Variants in PPP1R1C observed in about 807,000 individuals in gnomAD.
PPP1R1C encodes the protein protein phosphatase 1 regulatory subunit 1C.
PPP1R1C carries 15 observed loss-of-function variants against 17.4 expected under a neutral mutation model. The ratio of observed to expected loss-of-function variants is 0.86; its 90% CI spans 0.58 to 1.33. The LOEUF (loss-of-function observed/expected upper bound fraction) is 1.33. Among genes scored for constraint, PPP1R1C ranks in the 40% most tolerant of loss-of-function variants. PPP1R1C has a pLI of 0.00. For missense variants in PPP1R1C, 143 were observed against 130.0 expected (o/e 1.10, Z -0.48); for synonymous variants, 35 against 43.1 (o/e 0.81, Z 0.73).
chr2:182,125,076 A>G (rs1191805516), intron 5 of PPP1R1C, among the ~76,000 whole-genome samples: 2 of 152,198 alleles, frequency 1.3e-5, no homozygotes, highest in Non-Finnish European at 2.9e-5. Flanking sequence ...AGTTCCATCA[A>G]TACATAGTTT....
chr2:181,967,978 G>T lies in PPP1R1C; in HGVS notation n.112-7241G>T, dbSNP rs537437097. 3.3e-5 allele frequency among the ~76,000 whole-genome samples: 5 copies of T among 152,218 alleles called. No individual in the cohort carries two copies. The highest frequency in any genetic ancestry group is 1.2e-4 in the African/African-American group (5 of 41,456). ...GATCCACCCGCCTTGGTCTCCCAAA[G>T]TGCTGGGATTGCAGGCATAAGCCAC... On this transcript the variant is annotated intron_variant and non_coding_transcript_variant, in intron 1 of 5. Coordinates refer to the PPP1R1C transcript ENST00000464264. This position sits in a 1 kb window ranked among gnomAD's most constrained non-coding sequence, Gnocchi z 5.5.
intron 2 of PPP1R1C, among the ~76,000 whole-genome samples, chr2:182,031,989 C>G (rs1410627905): frequency 1.3e-5 from 2 of 152,110 alleles, no homozygotes; most frequent in East Asian, 3.8e-4. Context: ...TTTTGGTGCC[C>G]CTTCATGGGG....
At chr2:182,120,803 A>G (rs1264813411), downstream of PPP1R1C, among the ~76,000 whole-genome samples, 1 of 152,188 alleles carries the variant, frequency 6.6e-6, no homozygotes, top group Non-Finnish European at 1.5e-5. Flanking sequence ...CATTTAGGGT[A>G]ATATACAGTA....
At position 181,967,589 on chromosome 2, in the gene PPP1R1C, T is replaced by C. The variant is rs1684926404; in HGVS notation, n.112-7630T>C. On this transcript the variant is annotated intron_variant and non_coding_transcript_variant, in intron 1 of 5. Coordinates refer to the PPP1R1C transcript ENST00000464264. This position sits in a 1 kb window ranked among gnomAD's most constrained non-coding sequence, Gnocchi z 5.5. ...TCAGGAGCATATTATTTAATTTCCA[T>C]ATGTTTGTAAAGTCCCAAAGTTTGT... Among the ~76,000 whole-genome samples, 1 of 152,210 alleles carries C rather than the reference T, an allele frequency of 6.6e-6. No individual in the cohort carries two copies. The highest frequency in any genetic ancestry group is 1.5e-5 in the Non-Finnish European group (1 of 68,030).
intron 2 of PPP1R1C, among the ~76,000 whole-genome samples, chr2:182,020,038 T>C (rs542233489): frequency 2.0e-5 from 3 of 152,364 alleles, no homozygotes; most frequent in Non-Finnish European, 4.4e-5. Flanking sequence ...ACCAGTTAAC[T>C]ATTTGTCTGA....
chr2:181,993,654 A>G (rs750371186), intron 2 of PPP1R1C, among the ~76,000 whole-genome samples: 27 of 152,152 alleles, frequency 1.8e-4, no homozygotes, highest in Non-Finnish European at 3.8e-4. Flanking sequence ...TATTTCCCTC[A>G]GCATTTATTT....
intron 2 of PPP1R1C, among the ~76,000 whole-genome samples, chr2:181,990,076 C>T (rs1431670845): frequency 6.6e-6 from 1 of 151,988 alleles, no homozygotes; most frequent in African/African-American, 2.4e-5. Flanking sequence ...CCAAATCAAA[C>T]TTGGATACTG....
chr2:182,114,000 A>G (rs79685478), intron 4 of PPP1R1C, among the ~76,000 whole-genome samples: 5,029 of 152,268 alleles, frequency 0.033, 231 homozygotes, highest in Admixed American at 0.13. Flanking sequence ...GAGAATAAGT[A>G]TTATATTCTG....
chr2:181,995,420 T>A (rs1685585486), intron 2 of PPP1R1C, among the ~76,000 whole-genome samples: 3 of 152,236 alleles, frequency 2.0e-5, no homozygotes, highest in Admixed American at 2.0e-4. Context: ...AGAAGCCACA[T>A]GAGGTAGTTG....
chr2:182,064,081 A>G, intron 4 of PPP1R1C: 2 of 350,482 alleles, frequency 5.7e-6, no homozygotes, highest in Non-Finnish European at 1.0e-5. Context: ...TACTTCCTTA[A>G]AGAGATTTTC....
intron 2 of PPP1R1C, among the ~76,000 whole-genome samples, chr2:182,029,468 A>G (rs1686744338): frequency 6.6e-6 from 1 of 150,980 alleles, no homozygotes; most frequent in Non-Finnish European, 1.5e-5. Context: ...TCCTTCACTT[A>G]TGAATCTTAG....
intron 1 of PPP1R1C, among the ~76,000 whole-genome samples, chr2:181,959,869 C>A (rs1223315708): frequency 6.6e-6 from 1 of 152,080 alleles, no homozygotes; most frequent in East Asian, 1.9e-4. Flanking sequence ...TAGGACTCTG[C>A]AGTATCCAGT....
At chr2:182,125,194 A>G (rs1574470845) in intron 5 of PPP1R1C, among the ~76,000 whole-genome samples, 1 of 152,104 alleles carries the variant, frequency 6.6e-6, no homozygotes, top group Non-Finnish European at 1.5e-5. Context: ...TATGTGATGG[A>G]TGATGTTTAT....
At chr2:182,054,571 T>C (rs1687625227) in intron 2 of PPP1R1C, among the ~76,000 whole-genome samples, 1 of 144,726 alleles carries the variant, frequency 6.9e-6, no homozygotes, top group African/African-American at 2.6e-5. Context: ...GAAATTGGCT[T>C]TTTTTTTTCA....
intron 2 of PPP1R1C, among the ~76,000 whole-genome samples, chr2:182,052,287 A>G (rs907608502): frequency 2.6e-5 from 4 of 152,210 alleles, no homozygotes; most frequent in African/African-American, 9.6e-5. Context: ...AAAAGTGTCA[A>G]TGGAATGGTG....
downstream of PPP1R1C, among the ~76,000 whole-genome samples, chr2:182,119,738 C>T (rs1359468584): frequency 6.6e-6 from 1 of 152,166 alleles, no homozygotes; most frequent in South Asian, 2.1e-4. Context: ...CCTTCAGCCA[C>T]TTTTTGATGG....
At chr2:182,069,739 T>G (rs1688088837) in intron 4 of PPP1R1C, among the ~76,000 whole-genome samples, 1 of 152,216 alleles carries the variant, frequency 6.6e-6, no homozygotes, top group Non-Finnish European at 1.5e-5. Context: ...TTAATTAATC[T>G]TTTAAATTTA....
intron 2 of PPP1R1C, among the ~76,000 whole-genome samples, chr2:181,990,194 A>G (rs1307074116): frequency 6.6e-6 from 1 of 151,608 alleles, no homozygotes; most frequent in African/African-American, 2.4e-5. Context: ...GCTTGAGTGC[A>G]GTGGCGCGAT....
chr2:182,053,973 G>A (rs535048693), intron 2 of PPP1R1C, among the ~76,000 whole-genome samples: 85 of 152,114 alleles, frequency 5.6e-4, no homozygotes, highest in South Asian at 1.0e-3. Flanking sequence ...TGGGATTAGT[G>A]CTGGGATTAC....
Sources: gnomAD v4.1 joint callset for allele counts (sites outside exome capture counted in the v4.1 genomes callset) on GRCh38, gnomAD v4.1.1 for gene constraint, Gnocchi (gnomAD v3.1) non-coding constraint, MANE v1.5 for transcripts, NCBI Gene and HGNC (gene_info 2026-07-23, HGNC 2026-07-21) for gene names.